AMPD1: variants seen among roughly 807,000 people sequenced by gnomAD.
AMPD1 encodes AMP deaminase 1.
AMPD1 carries 74 observed loss-of-function variants against 82.9 expected under a neutral mutation model. That is an observed-to-expected ratio of 0.89 (90% CI 0.74 to 1.08). The LOEUF (loss-of-function observed/expected upper bound fraction) is 1.08. Ranked by LOEUF, AMPD1 falls within the 50% of genes least tolerant of loss-of-function variation. The pLI, the probability that AMPD1 is intolerant of heterozygous loss-of-function variation, is 0.00. For missense variants in AMPD1, 881 were observed against 924.5 expected, an observed-to-expected ratio of 0.95 and a Z score of 0.61; for synonymous variants, 333 against 320.5, an observed-to-expected ratio of 1.04 and a Z score of -0.42.
At chr1:114,693,498 A>T (rs1288810387) in intron 1 of AMPD1, 51 bp from the exon 2 acceptor site, 5 of 1,533,396 alleles carry the variant, frequency 3.3e-6, no homozygotes, top group Non-Finnish European at 4.5e-6. Context: ...ACTTTCTGTA[A>T]TCATGGTGGC....
At chr1:114,674,214 T>G (rs967583019) in intron 13 of AMPD1, 132 bp from the exon 14 acceptor site, 11 of 804,420 alleles carry the variant, frequency 1.4e-5, no homozygotes, top group Middle Eastern at 3.6e-4. Flanking sequence ...AGTCTCTTAG[T>G]AAGGAGAATT....
At chr1:114,693,135 A>G (rs968878397) in intron 2 of AMPD1, among the ~76,000 whole-genome samples, 1 of 146,706 alleles carries the variant, frequency 6.8e-6, no homozygotes, top group Non-Finnish European at 1.5e-5. Flanking sequence ...TAAATAAATA[A>G]ATAAATAAAT....
intron 4 of AMPD1, chr1:114,684,632 T>G (rs1239968732): frequency 9.4e-6 from 5 of 531,902 alleles, no homozygotes; most frequent in South Asian, 4.3e-5. Context: ...TTGTTTCTGG[T>G]TTTTGTTACA....
intron 5 of AMPD1, among the ~76,000 whole-genome samples, chr1:114,680,902 A>G (rs928714833): frequency 1.3e-5 from 2 of 152,230 alleles, no homozygotes; most frequent in African/African-American, 2.4e-5. Flanking sequence ...CGGGAGGCAT[A>G]CGTTGCAGTG....
rs759135029 is a variant in AMPD1 at position 114,677,420 on chromosome 1, G to A, written c.1319C>T (p.Ser440Phe). Residue 440 changes from serine (S) to phenylalanine (F), a missense_variant, in exon 10 of 16, where the codon TCC becomes TTC. This residue lies in a region of AMPD1 where 783 missense variants were observed against 786.4 expected (regional missense o/e 1.00). Coordinates refer to ENST00000520113, the MANE Select transcript of AMPD1 (RefSeq NM_000036.3). ...GRSPDEWSKL[S>F]SWFVCNRIHC... is the part of the protein sequence containing the mutation. ...GATGCGATTGCAGACGAACCAGGAG[G>A]AGAGTTTGCTCCACTCATCAGGACT... 7 of 1,612,014 alleles carry A rather than the reference G, an allele frequency of 4.3e-6. No homozygotes were observed. Among genetic ancestry groups the A allele is most frequent in the African/African-American group, 4.0e-5 (3 of 74,098 alleles).
Position 114,675,340 on chromosome 1 carries a change from G to A in AMPD1, c.1679+190C>T, listed in dbSNP as rs1003169258. ...AAAGGAACTGTGAAAGTTATTGAAA[G>A]CATCGAAATACCGATTTCTGCCCCA... is the stretch of plus-strand genomic sequence containing the variant. On this transcript the variant is annotated intron_variant, in intron 12 of 15. Transcript: ENST00000520113. 4.6e-5 allele frequency among the ~76,000 whole-genome samples: 7 copies of A among 152,064 alleles called. No individual in the cohort carries two copies. The East Asian group carries it at 1.3e-3, about 29-fold the overall frequency.
rs373837097 is a variant in AMPD1, at chr1:114,677,527, G to A, written c.1225-13C>T. On this transcript the variant is annotated splice_polypyrimidine_tract_variant and intron_variant, in intron 9 of 15. Transcript: ENST00000520113. ...CCGCACCTACCTCCTGCAAAGCCAA[G>A]AGAGAAGTCCAAGCCAGGGATTCCC... is the stretch of plus-strand genomic sequence containing the variant. 1.2e-6 allele frequency: 2 copies of A among 1,613,584 alleles called. No individual in the cohort carries two copies. The highest frequency in any genetic ancestry group is 1.7e-6 in the Non-Finnish European group (2 of 1,179,956).
chr1:114,685,063 T>C (rs964921623), intron 4 of AMPD1, among the ~76,000 whole-genome samples: 1 of 152,232 alleles, frequency 6.6e-6, no homozygotes, highest in Non-Finnish European at 1.5e-5. Flanking sequence ...AATCACTGAA[T>C]GTTCATTATC....
At position 114,678,504 on chromosome 1, in the gene AMPD1, G is replaced by A. The variant is rs1037355598; in HGVS notation, c.921C>T (p.Ala307=). 23 of 1,613,958 alleles carry A rather than the reference G, an allele frequency of 1.4e-5. No homozygotes were observed. The highest frequency in any genetic ancestry group is 1.7e-5 in the Non-Finnish European group (20 of 1,180,020). ...GCAGATGTTTCTGGTTCATGCAAGCGGCTGCATGGATATGGGTGTCCACCT... is the reference window on the plus strand; with the variant it reads ...GCAGATGTTTCTGGTTCATGCAAGCAGCTGCATGGATATGGGTGTCCACCT... The part of the protein sequence containing the change: ...CRKVDTHIHA[A]ACMNQKHLLR... The change falls in exon 8 of 16, where the codon GCC becomes GCT. Residue 307 remains alanine (A), a synonymous_variant. Coordinates refer to ENST00000520113, the MANE Select transcript of AMPD1 (RefSeq NM_000036.3).
chr1:114,690,465 TA>T (rs1483091414), intron 2 of AMPD1, among the ~76,000 whole-genome samples: 1 of 152,196 alleles, frequency 6.6e-6, no homozygotes, highest in Non-Finnish European at 1.5e-5. Flanking sequence ...AATTGATTCA[TA>T]ACTTCCCCAA....
intron 2 of AMPD1, 191 bp from the exon 3 acceptor site, chr1:114,688,932 A>G (rs1176797896): frequency 3.9e-6 from 3 of 764,814 alleles, no homozygotes; most frequent in East Asian, 4.9e-5. Context: ...CCTTGAAAAT[A>G]TGCTCTCAGA....
chr1:114,683,126 A>G (rs1466847996), intron 5 of AMPD1: 3 of 455,406 alleles, frequency 6.6e-6, no homozygotes, highest in Non-Finnish European at 1.3e-5. Flanking sequence ...TTAACTTTCT[A>G]CAAGGCAGAA....
At chr1:114,677,103 T>G (rs1312190543) in intron 10 of AMPD1, among the ~76,000 whole-genome samples, 1 of 152,036 alleles carries the variant, frequency 6.6e-6, no homozygotes, top group Non-Finnish European at 1.5e-5. Context: ...TTAATCATTC[T>G]CAGTGAGTTA....
intron 10 of AMPD1, 45 bp downstream of exon 10, chr1:114,677,306 T>A: frequency 6.2e-7 from 1 of 1,608,542 alleles, no homozygotes. Flanking sequence ...TTGAAGCAGA[T>A]GAGACAAGGG....
chr1:114,675,882 T>C lies in AMPD1; in HGVS notation c.1510A>G (p.Lys504Glu). The C allele has an allele frequency of 6.2e-7, 1 of 1,614,160 alleles. No homozygotes were observed. The highest frequency in any genetic ancestry group is 2.2e-5 in the East Asian group (1 of 44,876). Residue 504 changes from lysine (K) to glutamate (E), a missense_variant, in exon 11 of 16, where the codon AAG becomes GAG. Physicochemically the swap from Lys to Glu is moderately conservative, Grantham distance 56. This residue lies in a region of AMPD1 where 783 missense variants were observed against 786.4 expected (regional missense o/e 1.00). Transcript: ENST00000520113. ...QADPELSVFL[K>E]HITGFDSVDD... ...GCCTGAAGGGTCATGCTTACATGCT[T>C]GAGGAAGACACTGAGTTCTGGGTCA...
At chr1:114,693,164 A>ATAAGTAAG (rs1312394140) in intron 2 of AMPD1, among the ~76,000 whole-genome samples, 1,954 of 138,958 alleles carry the variant, frequency 0.014, 66 homozygotes, top group African/African-American at 0.045. Flanking sequence ...AAATAAATAA[A>ATAAGTAAG]TAAGTAAAAG....
At chr1:114,682,813 C>T (rs1180895980) in intron 5 of AMPD1, among the ~76,000 whole-genome samples, 3 of 152,142 alleles carry the variant, frequency 2.0e-5, no homozygotes, top group Non-Finnish European at 4.4e-5. Context: ...CTCCTGACCT[C>T]GTGATCCGCC....
At position 114,687,088 on chromosome 1, in the gene AMPD1, G is replaced by A. The variant is rs147157015; in HGVS notation, c.216-178C>T. 579 of 703,232 alleles carry A rather than the reference G, an allele frequency of 8.2e-4. 1 individual carries two copies. The Middle Eastern group carries it at 0.01, about 12-fold the overall frequency. The allele number at this position is 703,232 out of a possible 1,614,324, so 43.6% of individuals were successfully genotyped here. On this transcript the variant is annotated intron_variant, in intron 3 of 15. Coordinates refer to ENST00000520113, the MANE Select transcript of AMPD1 (RefSeq NM_000036.3). ...GGAGGAGAAATCACTGAAGACACATGACCTTGTGCCCCTCTCCCTGGTCTA... is the reference window on the plus strand; with the variant it reads ...GGAGGAGAAATCACTGAAGACACATAACCTTGTGCCCCTCTCCCTGGTCTA...
chr1:114,682,998 C>T (rs1658208152), intron 5 of AMPD1: 2 of 275,380 alleles, frequency 7.3e-6, no homozygotes, highest in Non-Finnish European at 1.4e-5. Flanking sequence ...TTTTTAGAAA[C>T]AAGTTTTAAA....
Sources: allele counts gnomAD v4.1 joint callset (sites outside exome capture counted in the v4.1 genomes callset), GRCh38; gene constraint gnomAD v4.1.1; regional missense constraint gnomAD v4.1.1; transcripts MANE v1.5; gene names NCBI Gene and HGNC (gene_info 2026-07-23, HGNC 2026-07-21).